SLC4A10: variants seen among roughly 807,000 people sequenced by gnomAD.
SLC4A10 encodes solute carrier family 4 member 10.
SLC4A10 carries 42 observed loss-of-function variants against 137.7 expected under a neutral mutation model. The ratio of observed to expected loss-of-function variants is 0.30; its 90% CI spans 0.24 to 0.39. The LOEUF is 0.39. Among genes scored for constraint, SLC4A10 ranks in the 10% least tolerant of loss-of-function variants. The pLI is 1.00. For synonymous variants in SLC4A10, 474 were observed against 464.1 expected (o/e 1.02, Z -0.27); for missense variants, 925 against 1,355.0 (o/e 0.68, Z 4.98).
At chr2:161,788,849 G>A (rs1241483139) in intron 2 of SLC4A10, among the ~76,000 whole-genome samples, 1 of 152,100 alleles carries the variant, frequency 6.6e-6, no homozygotes. Flanking sequence ...TAGCTGCCAC[G>A]AAGAGTGCTG....
chr2:161,773,959 C>T (rs2051997349), intron 2 of SLC4A10, among the ~76,000 whole-genome samples: 1 of 151,736 alleles, frequency 6.6e-6, no homozygotes, highest in African/African-American at 2.4e-5. Flanking sequence ...CTCTACTCAT[C>T]TCCTCTCCCT....
chr2:161,652,782 G>A (rs796753038), intron 1 of SLC4A10, among the ~76,000 whole-genome samples: 55 of 83,568 alleles, frequency 6.6e-4, no homozygotes, highest in African/African-American at 2.7e-3. Context: ...GAAAACCACC[G>A]TTTATTCTTT....
At chr2:161,810,159 G>C (rs764399747) in intron 3 of SLC4A10, among the ~76,000 whole-genome samples, 1 of 151,776 alleles carries the variant, frequency 6.6e-6, no homozygotes, top group African/African-American at 2.4e-5. Flanking sequence ...TTTTGACTTG[G>C]CTCTCTGATA....
intron 1 of SLC4A10, among the ~76,000 whole-genome samples, chr2:161,668,799 G>T (rs1268922899): frequency 6.6e-6 from 1 of 151,778 alleles, no homozygotes; most frequent in Admixed American, 6.6e-5. Context: ...TTTTATAGAA[G>T]ATTTCTAAAT....
At chr2:161,924,605 ATT>A (rs901555141) in intron 15 of SLC4A10, among the ~76,000 whole-genome samples, 4 of 152,096 alleles carry the variant, frequency 2.6e-5, no homozygotes, top group Non-Finnish European at 5.9e-5. Context: ...TTTGGAATTG[ATT>A]TATAGGTGAG....
chr2:161,963,289 A>G (rs1177512886), intron 21 of SLC4A10, among the ~76,000 whole-genome samples: 2 of 152,296 alleles, frequency 1.3e-5, no homozygotes, highest in Admixed American at 1.3e-4. Flanking sequence ...ATGAAGTACT[A>G]TAACAATAGT....
chr2:161,727,653 A>G (rs995197723), intron 1 of SLC4A10, among the ~76,000 whole-genome samples: 2 of 152,154 alleles, frequency 1.3e-5, no homozygotes, highest in Non-Finnish European at 2.9e-5. Context: ...TGAAAACATG[A>G]TAGCTGAAGT....
At chr2:161,818,795 T>A (rs1015493189) in intron 3 of SLC4A10, among the ~76,000 whole-genome samples, 1 of 152,240 alleles carries the variant, frequency 6.6e-6, no homozygotes, top group Non-Finnish European at 1.5e-5. Flanking sequence ...GATTTGCATA[T>A]GTTGAACCAG....
chr2:161,699,743 A>G (rs1374112596), intron 1 of SLC4A10, among the ~76,000 whole-genome samples: 1 of 152,204 alleles, frequency 6.6e-6, no homozygotes, highest in Non-Finnish European at 1.5e-5. Context: ...GGAAGGTTTC[A>G]TGGAAGATGT....
intron 1 of SLC4A10, among the ~76,000 whole-genome samples, chr2:161,660,896 G>A (rs1322249533): frequency 6.6e-6 from 1 of 151,370 alleles, no homozygotes; most frequent in African/African-American, 2.4e-5. Flanking sequence ...TCCTGACCTA[G>A]TGATCCACCT....
intron 1 of SLC4A10, among the ~76,000 whole-genome samples, chr2:161,652,396 G>A (rs1402213580): frequency 6.6e-6 from 1 of 152,002 alleles, no homozygotes; most frequent in Admixed American, 6.6e-5. Context: ...GTTGTTTTGA[G>A]GGATCATGTT....
chr2:161,777,830 G>A (rs1052841389), intron 2 of SLC4A10, among the ~76,000 whole-genome samples: 8 of 151,986 alleles, frequency 5.3e-5, no homozygotes, highest in African/African-American at 7.2e-5. Flanking sequence ...AACCATATCA[G>A]TTTCCTTCTA....
chr2:161,901,082 T>C, intron 12 of SLC4A10, 71 bp downstream of exon 12: 1 of 1,142,914 alleles, frequency 8.7e-7, no homozygotes, highest in South Asian at 1.3e-5. Context: ...CAGAAATTGC[T>C]ATTTTGGGAT....
At chr2:161,728,137 C>A (rs1384919594) in intron 1 of SLC4A10, among the ~76,000 whole-genome samples, 1 of 152,136 alleles carries the variant, frequency 6.6e-6, no homozygotes, top group Non-Finnish European at 1.5e-5. Flanking sequence ...AGTCTATGTA[C>A]ATAAATCTGT....
At chr2:161,640,650 TTCC>T (rs1558923650) in intron 1 of SLC4A10, among the ~76,000 whole-genome samples, 8 of 138,114 alleles carry the variant, frequency 5.8e-5, no homozygotes, top group African/African-American at 2.3e-4. Context: ...CCTTCCTTCC[TTCC>T]TTCCTTCTTT....
intron 4 of SLC4A10, among the ~76,000 whole-genome samples, chr2:161,842,879 T>C (rs1014103565): frequency 2.0e-5 from 3 of 152,124 alleles, no homozygotes; most frequent in African/African-American, 7.2e-5. Context: ...AGTTCCTCCC[T>C]CCCTGTTTAA....
At chr2:161,915,379 A>G (rs928660255) in intron 15 of SLC4A10, among the ~76,000 whole-genome samples, 2 of 152,190 alleles carry the variant, frequency 1.3e-5, no homozygotes, top group Non-Finnish European at 2.9e-5. Context: ...AATTCACAAC[A>G]TGCCAAGTGA....
At chr2:161,971,729 G>A (rs550279264) in intron 23 of SLC4A10, among the ~76,000 whole-genome samples, 8 of 152,212 alleles carry the variant, frequency 5.3e-5, no homozygotes, top group African/African-American at 9.6e-5. Context: ...CTCCATCCCC[G>A]CGCTCCGGGG....
chr2:161,647,266 A>G (rs1160381540), intron 1 of SLC4A10, among the ~76,000 whole-genome samples: 1 of 152,084 alleles, frequency 6.6e-6, no homozygotes, highest in Non-Finnish European at 1.5e-5. Flanking sequence ...AAATAATTGA[A>G]CAGATTAATT....
Sources: allele counts gnomAD v4.1 joint callset (sites outside exome capture counted in the v4.1 genomes callset), GRCh38; gene constraint gnomAD v4.1.1; transcripts MANE v1.5; gene names NCBI Gene and HGNC (gene_info 2026-07-23, HGNC 2026-07-21).